ZPBP: variants seen among roughly 807,000 people sequenced by gnomAD.
ZPBP encodes the protein zona pellucida-binding protein 1.
In ZPBP, 26 loss-of-function variants were observed where a neutral mutation model predicts 44.8. The ratio of observed to expected loss-of-function variants is 0.58; its 90% CI spans 0.43 to 0.81. The LOEUF is 0.81. Ranked by LOEUF, ZPBP falls within the 30% of genes least tolerant of loss-of-function variation. The probability of loss-of-function intolerance (pLI) is 0.00; values close to 1 mark genes in which losing one functional copy is unlikely to be tolerated. For missense variants in ZPBP, 409 were observed against 434.0 expected (o/e 0.94, Z 0.51); for synonymous variants, 174 against 153.2 (o/e 1.14, Z -1.00).
At chr7:49,903,923 G>T (rs1410884443) in intron 1 of ZPBP, among the ~76,000 whole-genome samples, 1 of 152,134 alleles carries the variant, frequency 6.6e-6, no homozygotes, top group Non-Finnish European at 1.5e-5. Context: ...GCCTTGAGGA[G>T]GCAATGTCTG....
At chr7:49,879,070 G>A (rs778408701) in intron 2 of ZPBP, among the ~76,000 whole-genome samples, 2 of 152,102 alleles carry the variant, frequency 1.3e-5, no homozygotes, top group South Asian at 2.1e-4. Context: ...CTTAATATCC[G>A]GCAGTTCATT....
At chr7:50,030,628 T>C (rs1048207163) in intron 5 of ZPBP, among the ~76,000 whole-genome samples, 3 of 152,070 alleles carry the variant, frequency 2.0e-5, no homozygotes, top group African/African-American at 7.2e-5. Flanking sequence ...TAAGTGGTCA[T>C]TCATAAACCA....
In ZPBP at chr7:50,041,738, A is replaced by C. The variant is rs534319766; in HGVS notation, c.488-10428T>G. Reference sequence around the variant, plus strand: ...GAGGAAAACCAGTGCAAAAAGGCTGAAAATTCCAAAAACCAGAACACTTCT... The same window carrying C: ...GAGGAAAACCAGTGCAAAAAGGCTGCAAATTCCAAAAACCAGAACACTTCT... On this transcript the variant is annotated intron_variant, in intron 4 of 7. Coordinates refer to ENST00000046087, the MANE Select transcript of ZPBP (RefSeq NM_007009.3). 2.2e-3 allele frequency among the ~76,000 whole-genome samples: 337 copies of C among 152,340 alleles called. 3 individuals carry two copies. The highest frequency in any genetic ancestry group is 7.7e-3 in the African/African-American group (322 of 41,580).
chr7:49,953,969 A>T (rs1378670166), intron 7 of ZPBP, among the ~76,000 whole-genome samples: 1 of 152,168 alleles, frequency 6.6e-6, no homozygotes, highest in Non-Finnish European at 1.5e-5. Context: ...CCTCAAATTC[A>T]TATGGAATTC....
intron 6 of ZPBP, among the ~76,000 whole-genome samples, chr7:50,016,359 T>A (rs146412918): frequency 6.6e-6 from 1 of 151,990 alleles, no homozygotes. Flanking sequence ...GAGCTAAACA[T>A]TGAGCACACA....
At chr7:49,973,413 A>T (rs544890154) in intron 7 of ZPBP, among the ~76,000 whole-genome samples, 1 of 152,048 alleles carries the variant, frequency 6.6e-6, no homozygotes. Flanking sequence ...AACTCACAGA[A>T]TGGGGAGAAA....
chr7:50,017,594 T>C (rs756475987), intron 6 of ZPBP, among the ~76,000 whole-genome samples: 14 of 152,140 alleles, frequency 9.2e-5, no homozygotes, highest in African/African-American at 1.9e-4. Context: ...TAATGGATAT[T>C]GATCTCTGTA....
intron 4 of ZPBP, among the ~76,000 whole-genome samples, chr7:50,049,786 T>C (rs1800592291): frequency 6.6e-6 from 1 of 151,708 alleles, no homozygotes; most frequent in African/African-American, 2.4e-5. Flanking sequence ...TCAACATACT[T>C]TTTCAACATA....
At chr7:49,901,894 G>A (rs1226333815) in intron 1 of ZPBP, among the ~76,000 whole-genome samples, 1 of 151,896 alleles carries the variant, frequency 6.6e-6, no homozygotes, top group Non-Finnish European at 1.5e-5. Flanking sequence ...AACACTGTTA[G>A]CTAACACTGT....
At chr7:50,084,357 A>AC (rs1802519999) in intron 2 of ZPBP, among the ~76,000 whole-genome samples, 1 of 151,844 alleles carries the variant, frequency 6.6e-6, no homozygotes, top group Admixed American at 6.6e-5. Context: ...TACCAAAAAA[A>AC]AAAAAAATAC....
intron 2 of ZPBP, among the ~76,000 whole-genome samples, chr7:49,856,870 G>A (rs186820803): frequency 0.035 from 5,311 of 151,872 alleles, 247 homozygotes; most frequent in South Asian, 0.12. Context: ...TTAGCTGGGC[G>A]TGGTGGCGGG....
intron 2 of ZPBP, among the ~76,000 whole-genome samples, chr7:49,889,568 A>C (rs1792042282): frequency 6.6e-6 from 1 of 152,168 alleles, no homozygotes; most frequent in Admixed American, 6.5e-5. Flanking sequence ...GGCGAGGATG[A>C]AAAGAGGAGC....
intron 7 of ZPBP, among the ~76,000 whole-genome samples, chr7:49,978,788 T>A (rs1262454598): frequency 6.6e-6 from 1 of 151,970 alleles, no homozygotes; most frequent in Non-Finnish European, 1.5e-5. Context: ...GTTAAATCAT[T>A]TTCTATTCAG....
chr7:49,992,766 TG>T (rs1172094676), intron 6 of ZPBP, among the ~76,000 whole-genome samples: 2 of 152,098 alleles, frequency 1.3e-5, no homozygotes, highest in Non-Finnish European at 2.9e-5. Flanking sequence ...TGGCTGAAAA[TG>T]TTTCTTAACT....
In ZPBP at chr7:49,872,859, T is replaced by G. The variant is rs573875543; in HGVS notation, n.510-22345A>C. Among the ~76,000 whole-genome samples the G allele has an allele frequency of 6.8e-4, 84 of 123,736 alleles. 2 individuals are homozygous for G. In the Middle Eastern group the frequency reaches 0.025, roughly 37 times the overall value. The allele number at this position is 123,736 out of a possible 152,430, so 81.2% of individuals were successfully genotyped here. A position where few individuals can be genotyped will look rare whatever the true frequency, so the allele number is the denominator to read the frequency against. The stretch of plus-strand genomic sequence containing the variant: ...TGAAACCAGGAGGCAGAGGTTGCAG[T>G]GACCCGAGATCATGCCATTGCACTC... On this transcript the variant is annotated intron_variant and non_coding_transcript_variant, in intron 2 of 2. Coordinates refer to the ZPBP transcript ENST00000465922.
intron 2 of ZPBP, among the ~76,000 whole-genome samples, chr7:49,871,186 A>G (rs1200554590): frequency 6.6e-6 from 1 of 152,196 alleles, no homozygotes; most frequent in South Asian, 2.1e-4. Context: ...AAAAATAAAA[A>G]CGAATAATAA....
At chr7:49,981,038 T>C (rs1796843080) in intron 7 of ZPBP, among the ~76,000 whole-genome samples, 2 of 150,240 alleles carry the variant, frequency 1.3e-5, no homozygotes, top group Non-Finnish European at 3.0e-5. Flanking sequence ...CACAAAAATA[T>C]AGTACAAAGT....
the ZPBP span, among the ~76,000 whole-genome samples, chr7:49,842,219 T>C: frequency 6.6e-6 from 1 of 152,160 alleles, no homozygotes; most frequent in African/African-American, 2.4e-5. Context: ...ACTTGATAAA[T>C]ACATGTTAAA....
chr7:50,056,988 A>G (rs1800969615), intron 4 of ZPBP, among the ~76,000 whole-genome samples: 1 of 152,108 alleles, frequency 6.6e-6, no homozygotes, highest in Non-Finnish European at 1.5e-5. Context: ...AATCGAGACC[A>G]TCCTGGCTAA....
Sources: gnomAD v4.1 joint callset for allele counts (sites outside exome capture counted in the v4.1 genomes callset) on GRCh38, gnomAD v4.1.1 for gene constraint, MANE v1.5 for transcripts, NCBI Gene and HGNC (gene_info 2026-07-23, HGNC 2026-07-21) for gene names.